KCNJ3: variants seen among roughly 807,000 people sequenced by gnomAD.
The protein encoded by KCNJ3 is G protein-activated inward rectifier potassium channel 1.
A neutral mutation model predicts 39.2 loss-of-function variants in KCNJ3; 4 were observed. That is an observed-to-expected ratio of 0.10 (90% CI 0.05 to 0.23). KCNJ3 has a LOEUF of 0.23. Among genes scored for constraint, KCNJ3 ranks in the 10% least tolerant of loss-of-function variants. The probability of loss-of-function intolerance (pLI) is 1.00; values close to 1 mark genes in which losing one functional copy is unlikely to be tolerated. For missense variants in KCNJ3, 276 were observed against 634.9 expected (o/e 0.43, Z 6.08); for synonymous variants, 230 against 237.4 (o/e 0.97, Z 0.29).
chr2:154,854,025 A>G (rs1687799231), intron 2 of KCNJ3, among the ~76,000 whole-genome samples: 1 of 152,140 alleles, frequency 6.6e-6, no homozygotes, highest in Admixed American at 6.5e-5. Flanking sequence ...AACCAGCACA[A>G]TGACTTTTCT....
At position 154,698,763 on chromosome 2, in the gene KCNJ3, G is replaced by T. The variant is rs1174113628; in HGVS notation, c.-13G>T. 6.4e-7 allele frequency: 1 copy of T among 1,573,518 alleles called. No homozygotes were observed. On this transcript the variant is annotated 5_prime_UTR_variant, in exon 1 of 3. Coordinates refer to ENST00000295101, the MANE Select transcript of KCNJ3 (RefSeq NM_002239.4). ...TTCGCTTCGCGTTTGAATCTGGCTCGCCCCTTCGTATTATGTCTGCACTCC... is the reference window on the plus strand; with the variant it reads ...TTCGCTTCGCGTTTGAATCTGGCTCTCCCCTTCGTATTATGTCTGCACTCC...
At chr2:154,802,385 G>A (rs1228917367) in intron 2 of KCNJ3, among the ~76,000 whole-genome samples, 1 of 151,920 alleles carries the variant, frequency 6.6e-6, no homozygotes, top group Admixed American at 6.6e-5. Context: ...TGATATTATG[G>A]TCCCTGCCAT....
intron 2 of KCNJ3, among the ~76,000 whole-genome samples, chr2:154,710,275 C>CTG (rs995245198): frequency 5.3e-5 from 8 of 151,952 alleles, no homozygotes; most frequent in African/African-American, 1.7e-4. Context: ...GGAAAATTCC[C>CTG]TGTGTGTGTG....
intron 2 of KCNJ3, among the ~76,000 whole-genome samples, chr2:154,834,440 A>T (rs1008510426): frequency 1.3e-5 from 2 of 152,168 alleles, no homozygotes; most frequent in East Asian, 3.9e-4. Context: ...ATTTGAAAAT[A>T]AATCAGTTAG....
At chr2:154,779,126 G>C (rs897359106) in intron 2 of KCNJ3, among the ~76,000 whole-genome samples, 8 of 151,826 alleles carry the variant, frequency 5.3e-5, no homozygotes, top group African/African-American at 1.7e-4. Flanking sequence ...TTCTATTCTT[G>C]TGTGGTACAG....
rs1390381571 is a variant in KCNJ3 at position 154,844,834 on chromosome 2, TTTTCCAGGTAGTCTGCCATGGC to T, written c.920-9890_920-9869del. Among the ~76,000 whole-genome samples, 3 of 152,144 alleles carry T rather than the reference TTTTCCAGGTAGTCTGCCATGGC, an allele frequency of 2.0e-5. No homozygotes were observed. The East Asian group carries it at 5.8e-4, about 29-fold the overall frequency. On this transcript the variant is annotated intron_variant, in intron 2 of 2. Transcript: ENST00000295101. ...CAGTATTTGGGCAGAAGTGCCTCATTTTTCCAGGTAGTCTGCCATGGCTTCCCATGGCTAGGAAAGGGAAATC... is the reference window on the plus strand; with the variant it reads ...CAGTATTTGGGCAGAAGTGCCTCATTTTCCCATGGCTAGGAAAGGGAAATC...
In KCNJ3 at chr2:154,740,377, A is replaced by C. The variant is rs565382933; in HGVS notation, c.919+30558A>C. Among the ~76,000 whole-genome samples the C allele has an allele frequency of 1.1e-4, 16 of 152,158 alleles. No homozygotes were observed. In the South Asian group the frequency reaches 3.1e-3, roughly 30 times the overall value. On this transcript the variant is annotated intron_variant, in intron 2 of 2. Transcript: ENST00000295101. ...TCCCATCCCACAGACCAGTATGTTC[A>C]TTTCTGTTAGTAGAATTTTAGTAGC...
At chr2:154,784,903 TGTGA>T (rs1251321920) in intron 2 of KCNJ3, among the ~76,000 whole-genome samples, 2 of 152,110 alleles carry the variant, frequency 1.3e-5, no homozygotes, top group Admixed American at 1.3e-4. Flanking sequence ...ACAGAATCAT[TGTGA>T]GTATTAAATG....
In KCNJ3 at chr2:154,858,255, A is replaced by G. The variant is rs1054966144; in HGVS notation, c.*2942A>G. ...ATTGGTAGCACTCCCTTTCACTCTTACAATGTCTTGGTTTGGATGATATAT... is the reference window on the plus strand; with the variant it reads ...ATTGGTAGCACTCCCTTTCACTCTTGCAATGTCTTGGTTTGGATGATATAT... On this transcript the variant is annotated 3_prime_UTR_variant, in exon 3 of 3. Transcript: ENST00000295101. The G allele has an allele frequency of 6.6e-6, 1 of 152,142 alleles. No individual in the cohort carries two copies. The highest frequency in any genetic ancestry group is 2.4e-5 in the African/African-American group (1 of 41,426). 9.4% of individuals were successfully genotyped at this position (152,142 alleles called of 1,614,324 possible). A position where few individuals can be genotyped will look rare whatever the true frequency, so the allele number is the denominator to read the frequency against.
At chr2:154,761,011 A>T (rs1408260947) in intron 2 of KCNJ3, among the ~76,000 whole-genome samples, 3 of 149,646 alleles carry the variant, frequency 2.0e-5, no homozygotes. Context: ...TGCTGGGATT[A>T]CAGGTGTGAG....
chr2:154,710,122 T>C (rs1685077082), intron 2 of KCNJ3, among the ~76,000 whole-genome samples: 1 of 152,184 alleles, frequency 6.6e-6, no homozygotes, highest in Admixed American at 6.5e-5. Context: ...CTTATAATCA[T>C]GATTTTTCTT....
Position 154,855,335 on chromosome 2 carries a change from AT to A in KCNJ3, c.*25del, listed in dbSNP as rs768280985. 1 of 1,473,998 alleles carries A rather than the reference AT, an allele frequency of 6.8e-7. No homozygotes were observed. The allele number at this position is 1,473,998 out of a possible 1,614,324, so 91.3% of individuals were successfully genotyped here. ...ATAACAAAGCACTCCCTTAGGCATTATTTAATGTTTGATTTAGTAATAGTCC... is the reference window on the plus strand; with the variant it reads ...ATAACAAAGCACTCCCTTAGGCATTATTAATGTTTGATTTAGTAATAGTCC... On this transcript the variant is annotated 3_prime_UTR_variant, in exon 3 of 3. Transcript: ENST00000295101.
In KCNJ3 at chr2:154,770,892, C is replaced by CTT. The variant is rs35293315; in HGVS notation, c.919+61088_919+61089dup. Among the ~76,000 whole-genome samples the CTT allele has an allele frequency of 3.1e-3, 402 of 127,648 alleles. 2 individuals are homozygous for CTT. Among genetic ancestry groups the CTT allele is most frequent in the Non-Finnish European group, 4.4e-3 (271 of 61,980 alleles). 83.7% of individuals were successfully genotyped at this position (127,648 alleles called of 152,430 possible). A position where few individuals can be genotyped will look rare whatever the true frequency, so the allele number is the denominator to read the frequency against. On this transcript the variant is annotated intron_variant, in intron 2 of 2. Transcript: ENST00000295101. ...CAAGATTTTTTTCTTTTTTCTTTTT[C>CTT]TTTTTTTTTTTTTTTTGAGATGGAG...
intron 2 of KCNJ3, among the ~76,000 whole-genome samples, chr2:154,774,517 G>T (rs1686298498): frequency 6.6e-6 from 1 of 151,662 alleles, no homozygotes; most frequent in South Asian, 2.1e-4. Flanking sequence ...TTTTGCTTAA[G>T]ATTTAATTAT....
chr2:154,763,230 G>A (rs757326896), intron 2 of KCNJ3, among the ~76,000 whole-genome samples: 4 of 152,086 alleles, frequency 2.6e-5, no homozygotes, highest in African/African-American at 9.7e-5. Flanking sequence ...TCTCTTGTCT[G>A]TGTCTACCTA....
At chr2:154,751,472 T>C (rs532691275) in intron 2 of KCNJ3, among the ~76,000 whole-genome samples, 22 of 152,172 alleles carry the variant, frequency 1.4e-4, no homozygotes, top group African/African-American at 5.3e-4. Flanking sequence ...TTTAGTTGCT[T>C]TATAGACACA....
chr2:154,760,444 A>G lies in KCNJ3; in HGVS notation c.919+50625A>G, dbSNP rs953235882. Among the ~76,000 whole-genome samples the G allele has an allele frequency of 1.6e-4, 24 of 152,020 alleles. 1 individual carries two copies. The highest frequency in any genetic ancestry group is 4.8e-4 in the African/African-American group (20 of 41,416). ...TACCCTTCAGTTTATTATTAAATTT[A>G]TTGGTCTCTTCCTTTAAATTTAGTT... is the stretch of plus-strand genomic sequence containing the variant. On this transcript the variant is annotated intron_variant, in intron 2 of 2. Transcript: ENST00000295101.
chr2:154,737,550 A>G (rs776382235), intron 2 of KCNJ3, among the ~76,000 whole-genome samples: 1 of 152,192 alleles, frequency 6.6e-6, no homozygotes, highest in Non-Finnish European at 1.5e-5. Context: ...CAGTTATTAA[A>G]ACTATATTCC....
intron 2 of KCNJ3, among the ~76,000 whole-genome samples, chr2:154,730,773 C>T (rs1223681808): frequency 6.6e-6 from 1 of 151,964 alleles, no homozygotes; most frequent in Non-Finnish European, 1.5e-5. Flanking sequence ...TTCTTTTTAA[C>T]ATATTCTAGT....
Sources: gnomAD v4.1 joint callset for allele counts (sites outside exome capture counted in the v4.1 genomes callset) on GRCh38, gnomAD v4.1.1 for gene constraint, MANE v1.5 for transcripts, NCBI Gene and HGNC (gene_info 2026-07-23, HGNC 2026-07-21) for gene names.